SEPTIN12: variants seen among roughly 807,000 people sequenced by gnomAD.
The protein encoded by SEPTIN12 is septin-12.
SEPTIN12 carries 42 observed loss-of-function variants against 37.7 expected under a neutral mutation model. That is an observed-to-expected ratio of 1.11 (90% CI 0.87 to 1.44). SEPTIN12 has a LOEUF of 1.44. Among genes scored for constraint, SEPTIN12 ranks in the 40% most tolerant of loss-of-function variants. SEPTIN12 has a pLI of 0.00. For missense variants in SEPTIN12, 613 were observed against 479.2 expected, an observed-to-expected ratio of 1.28 and a Z score of -2.61; for synonymous variants, 254 against 196.7, an observed-to-expected ratio of 1.29 and a Z score of -2.44.
chr16:4,789,332 C>CA (rs1312612672), upstream of SEPTIN12, among the ~76,000 whole-genome samples: 1 of 142,890 alleles, frequency 7.0e-6, no homozygotes, highest in African/African-American at 2.6e-5. Flanking sequence ...TCCTTTTTTT[C>CA]TTTTTTTTTT....
Position 4,778,075 on chromosome 16 carries a change from C to T in SEPTIN12, c.875+11G>A. On this transcript the variant is annotated intron_variant, in intron 9 of 9. Transcript: ENST00000268231. ...GCCAGCCCCCTAGCCCCAGGCTCCC[C>T]ACACCCTCACCGGATAAGCAGGTCT... is the stretch of plus-strand genomic sequence containing the variant. 1 of 1,614,134 alleles carries T rather than the reference C, an allele frequency of 6.2e-7. No individual in the cohort carries two copies. Among genetic ancestry groups the T allele is most frequent in the Middle Eastern group, 1.6e-4 (1 of 6,062 alleles).
chr16:4,788,126 C>G (rs984345073), intron 1 of SEPTIN12, 154 bp downstream of exon 1: 1 of 167,328 alleles, frequency 6.0e-6, no homozygotes, highest in Admixed American at 5.5e-5. Context: ...GGACACACAG[C>G]AGAGTTGATA....
At chr16:4,783,580 C>G (rs746623755) in intron 6 of SEPTIN12, 23 bp from the exon 7 acceptor site, 25 of 1,612,910 alleles carry the variant, frequency 1.5e-5, no homozygotes, top group Non-Finnish European at 2.0e-5. Flanking sequence ...CACAGGTGAC[C>G]TCAGCCCACC....
At chr16:4,782,193 G>T (rs964836625) in intron 7 of SEPTIN12, among the ~76,000 whole-genome samples, 1 of 151,876 alleles carries the variant, frequency 6.6e-6, no homozygotes, top group South Asian at 2.1e-4. Context: ...CAAGTGATCT[G>T]CCCACCTCAG....
At chr16:4,781,257 T>TAA (rs757068979) in intron 7 of SEPTIN12, among the ~76,000 whole-genome samples, 1 of 127,916 alleles carries the variant, frequency 7.8e-6, no homozygotes. Context: ...AGACTCCATC[T>TAA]AAAAAAAAAA....
intron 8 of SEPTIN12, among the ~76,000 whole-genome samples, chr16:4,778,840 T>C (rs1235122102): frequency 1.4e-5 from 2 of 143,582 alleles, no homozygotes; most frequent in Non-Finnish European, 3.0e-5. Flanking sequence ...TTCTAATAAT[T>C]ATAATAATAC....
chr16:4,790,232 T>A (rs1448450601), upstream of SEPTIN12, among the ~76,000 whole-genome samples: 1 of 152,146 alleles, frequency 6.6e-6, no homozygotes, highest in Non-Finnish European at 1.5e-5. Context: ...ATGGTCCCTA[T>A]TTTAGGCTTT....
At chr16:4,780,704 C>T (rs148139465) in intron 7 of SEPTIN12, among the ~76,000 whole-genome samples, 9 of 152,220 alleles carry the variant, frequency 5.9e-5, no homozygotes, top group African/African-American at 1.4e-4. Context: ...TAATATTGGG[C>T]GTGGTGGCTC....
In SEPTIN12 at chr16:4,783,508, C is replaced by G. The variant is rs540455406; in HGVS notation, c.680G>C (p.Cys227Ser). The change falls in exon 7 of 10, where the codon TGC becomes TCC. Residue 227 changes from cysteine (C) to serine (S), a missense_variant. Cys to Ser is a moderately radical substitution (Grantham distance 112). Transcript: ENST00000268231. The stretch of plus-strand genomic sequence containing the variant: ...TTTGTCATTGATGTCCTCGTCAAAG[C>G]ACATCTGGGGGTAGACGTCGATGCA... Reference protein sequence around the residue: ...THCIDVYPQMCFDEDINDKIL... With the variant: ...THCIDVYPQMSFDEDINDKIL... 1 of 1,614,164 alleles carries G rather than the reference C, an allele frequency of 6.2e-7. No homozygotes were observed. Among genetic ancestry groups the G allele is most frequent in the South Asian group, 1.1e-5 (1 of 91,088 alleles).
intron 7 of SEPTIN12, among the ~76,000 whole-genome samples, chr16:4,782,261 AC>A (rs918271372): frequency 1.3e-5 from 2 of 151,914 alleles, no homozygotes; most frequent in African/African-American, 4.8e-5. Context: ...TGAACTGTAC[AC>A]TTTTAAAGGG....
In SEPTIN12 at chr16:4,783,935, G is replaced by A; in HGVS notation, c.508C>T (p.His170Tyr). Residue 170 changes from histidine to tyrosine, a missense_variant, in exon 5 of 10, where the codon CAC (histidine) becomes TAC (tyrosine). His to Tyr is a moderately conservative substitution (Grantham distance 83). Transcript: ENST00000268231. ...CCVYFVPPTG[H>Y]CLRPLDIEFL... ...TTGCAGGTGCAGCCCCCTCACCAGT[G>A]CCCAGTGGGTGGTACAAAGTACACG... The A allele has an allele frequency of 6.2e-7, 1 of 1,614,138 alleles. No homozygotes were observed. The highest frequency in any genetic ancestry group is 8.5e-7 in the Non-Finnish European group (1 of 1,179,988).
Position 4,779,786 on chromosome 16 carries a change from C to T in SEPTIN12, c.727G>A (p.Asp243Asn). 1 of 1,606,610 alleles carries T rather than the reference C, an allele frequency of 6.2e-7. No homozygotes were observed. The highest frequency in any genetic ancestry group is 1.1e-5 in the South Asian group (1 of 90,940). ...CCTACCACGGCAAAAGGGATTCGGT[C>T]CTGGGAAAGGAGAAGACACAGAGAT... ...NDKILNSKLRDRIPFAVVGAD... is the reference protein window; with the variant it reads ...NDKILNSKLRNRIPFAVVGAD... The change falls in exon 8 of 10, where the codon GAC becomes AAC. Residue 243 changes from aspartate to asparagine, a missense_variant and splice_region_variant. Asp to Asn is a conservative substitution (Grantham distance 23, BLOSUM62 1). Transcript: ENST00000268231.
At chr16:4,783,585 C>T (rs776152513) in intron 6 of SEPTIN12, 28 bp from the exon 7 acceptor site, 12 of 1,610,940 alleles carry the variant, frequency 7.4e-6, no homozygotes, top group Non-Finnish European at 1.0e-5. Flanking sequence ...GTGACCTCAG[C>T]CCACCCTGCC....
Position 4,786,026 on chromosome 16 carries a change from CA to C in SEPTIN12, c.245del (p.Leu82TrpfsTer14). ...GCAGCGTCTGGGGTGTGGGCACCCC[CA>C]AGCCCGGTGGGTTTGACTTCCACAC... is the stretch of plus-strand genomic sequence containing the variant. ...SKVWKSNPPGLGVPTPQTLQL... is the reference protein window; with the variant it reads ...SKVWKSNPPGXGVPTPQTLQL... On this transcript the variant is annotated frameshift_variant, in exon 3 of 10. Coordinates refer to ENST00000268231, the MANE Select transcript of SEPTIN12 (RefSeq NM_144605.5). LOFTEE classifies it high-confidence loss of function. 1 of 1,613,948 alleles carries C rather than the reference CA, an allele frequency of 6.2e-7. No homozygotes were observed. The highest frequency in any genetic ancestry group is 1.1e-5 in the South Asian group (1 of 91,036).
At chr16:4,788,998 G>A (rs1239792529), upstream of SEPTIN12, among the ~76,000 whole-genome samples, 1 of 152,132 alleles carries the variant, frequency 6.6e-6, no homozygotes, top group Non-Finnish European at 1.5e-5. Context: ...CTGCCTTACT[G>A]TCTCTCTGAT....
At chr16:4,787,758 C>A (rs2082482480) in intron 1 of SEPTIN12, 91 bp from the exon 2 acceptor site, 3 of 628,968 alleles carry the variant, frequency 4.8e-6, no homozygotes, top group Non-Finnish European at 5.5e-6. Context: ...TTGAGCTTGG[C>A]CGTTGGCCAA....
At chr16:4,781,833 G>A (rs947366676) in intron 7 of SEPTIN12, among the ~76,000 whole-genome samples, 5 of 151,168 alleles carry the variant, frequency 3.3e-5, no homozygotes, top group African/African-American at 4.9e-5. Flanking sequence ...TAGGAGAGAC[G>A]GGATTTCTCC....
intron 8 of SEPTIN12, among the ~76,000 whole-genome samples, chr16:4,778,827 T>A (rs2082341714): frequency 6.7e-6 from 1 of 148,210 alleles, no homozygotes; most frequent in Non-Finnish European, 1.5e-5. Flanking sequence ...TAGTATAGAA[T>A]ATTTCTAATA....
chr16:4,783,236 A>C (rs1413555799), intron 7 of SEPTIN12: 3 of 568,940 alleles, frequency 5.3e-6, no homozygotes, highest in Non-Finnish European at 9.5e-6. Context: ...TCAGGATACA[A>C]GCCCCTTATT....
Sources: gnomAD v4.1 joint callset for allele counts (sites outside exome capture counted in the v4.1 genomes callset) on GRCh38, gnomAD v4.1.1 for gene constraint, MANE v1.5 for transcripts, NCBI Gene and HGNC (gene_info 2026-07-23, HGNC 2026-07-21) for gene names.